Variants in TCF4 observed in about 807,000 individuals in gnomAD.
The protein encoded by TCF4 is transcription factor 4.
A neutral mutation model predicts 82.1 loss-of-function variants in TCF4; 3 were observed. That is an observed-to-expected ratio of 0.04 (90% CI 0.02 to 0.09). TCF4 has a LOEUF of 0.09. Ranked by LOEUF, TCF4 falls within the 10% of genes least tolerant of loss-of-function variation. The pLI, the probability that TCF4 is intolerant of heterozygous loss-of-function variation, is 1.00. For synonymous variants in TCF4, 276 were observed against 309.6 expected, an observed-to-expected ratio of 0.89 and a Z score of 1.14; for missense variants, 518 against 852.7, an observed-to-expected ratio of 0.61 and a Z score of 4.89.
At chr18:55,585,978 C>G (rs2097641030) in intron 2 of TCF4, 1 of 1,323,328 alleles carries the variant, frequency 7.6e-7, no homozygotes, top group African/African-American at 1.5e-5. Flanking sequence ...CACACCTTCC[C>G]TGAGTCAGAG....
intron 3 of TCF4, chr18:55,482,967 T>C (rs2096461906): frequency 6.6e-6 from 1 of 152,238 alleles, no homozygotes; most frequent in African/African-American, 2.4e-5. Flanking sequence ...TCTCCTTCAT[T>C]GGACTTGTCA....
At chr18:55,617,253 T>G (rs2097713043) in intron 2 of TCF4, among the ~76,000 whole-genome samples, 1 of 152,134 alleles carries the variant, frequency 6.6e-6, no homozygotes, top group Non-Finnish European at 1.5e-5. Context: ...TGACTGTATA[T>G]GCATACCTTT....
At chr18:55,234,157 T>G (rs1385152853) in intron 16 of TCF4, among the ~76,000 whole-genome samples, 1 of 152,140 alleles carries the variant, frequency 6.6e-6, no homozygotes, top group Non-Finnish European at 1.5e-5. Flanking sequence ...GCACCTATAT[T>G]TCCTTCCATC....
chr18:55,511,430 A>G (rs962576558), intron 3 of TCF4, among the ~76,000 whole-genome samples: 2 of 151,672 alleles, frequency 1.3e-5, no homozygotes, highest in African/African-American at 4.8e-5. Context: ...CAGTTCCTAT[A>G]CTGGAGTATG....
At chr18:55,528,995 T>C (rs7235482) in intron 3 of TCF4, among the ~76,000 whole-genome samples, 12,095 of 152,106 alleles carry the variant, frequency 0.08, 1,166 homozygotes, top group African/African-American at 0.23. Flanking sequence ...CTGGCCAATA[T>C]GGTGAAACCC....
chr18:55,603,923 C>T (rs141112880), intron 2 of TCF4, among the ~76,000 whole-genome samples: 2 of 152,242 alleles, frequency 1.3e-5, no homozygotes, highest in East Asian at 1.9e-4. Context: ...CTATGGGGCT[C>T]ATCATTCAGA....
At chr18:55,467,677 C>T (rs1603499500) in intron 3 of TCF4, among the ~76,000 whole-genome samples, 1 of 152,136 alleles carries the variant, frequency 6.6e-6, no homozygotes, top group Admixed American at 6.6e-5. Flanking sequence ...TGTCCAGACT[C>T]ATTTTCATGT....
intron 3 of TCF4, among the ~76,000 whole-genome samples, chr18:55,478,978 G>A (rs2096363681): frequency 6.6e-6 from 1 of 151,738 alleles, no homozygotes; most frequent in African/African-American, 2.4e-5. Context: ...ATATGGCAAT[G>A]GGTTTCCAAA....
chr18:55,429,764 CAAA>C (rs35255242), intron 5 of TCF4, among the ~76,000 whole-genome samples: 7 of 57,172 alleles, frequency 1.2e-4, no homozygotes, highest in African/African-American at 5.9e-4. Flanking sequence ...GACTCCATCT[CAAA>C]AAAAAAAAAA....
intron 8 of TCF4, among the ~76,000 whole-genome samples, chr18:55,282,303 A>G (rs748176811): frequency 2.6e-5 from 4 of 151,928 alleles, no homozygotes; most frequent in Non-Finnish European, 5.9e-5. Context: ...CAGAAACATC[A>G]CTCTTATTTT....
At chr18:55,242,310 C>T (rs1568394400) in intron 15 of TCF4, among the ~76,000 whole-genome samples, 1 of 152,342 alleles carries the variant, frequency 6.6e-6, no homozygotes, top group African/African-American at 2.4e-5. Context: ...AAAGCCTATA[C>T]TTGTCTCCAT....
At chr18:55,385,675 A>T (rs867400051) in intron 6 of TCF4, among the ~76,000 whole-genome samples, 2 of 152,222 alleles carry the variant, frequency 1.3e-5, no homozygotes, top group African/African-American at 2.4e-5. Flanking sequence ...TTCTAGGATT[A>T]TAGGCATGAG....
chr18:55,526,308 C>T (rs919422572), intron 3 of TCF4, among the ~76,000 whole-genome samples: 1 of 152,166 alleles, frequency 6.6e-6, no homozygotes, highest in Non-Finnish European at 1.5e-5. Flanking sequence ...CATTAATATC[C>T]AGTGCATAAC....
intron 3 of TCF4, among the ~76,000 whole-genome samples, chr18:55,480,059 A>C (rs2096388105): frequency 6.6e-6 from 1 of 152,064 alleles, no homozygotes; most frequent in Non-Finnish European, 1.5e-5. Flanking sequence ...AATAGACACA[A>C]GATATTCATT....
Position 55,401,174 on chromosome 18 carries a change from T to C in TCF4, c.369+2280A>G, listed in dbSNP as rs996903145. The C allele has an allele frequency of 2.2e-5, 27 of 1,236,698 alleles. No homozygotes were observed. The East Asian group carries it at 1.5e-3, about 71-fold the overall frequency. 76.6% of individuals were successfully genotyped at this position (1,236,698 alleles called of 1,614,324 possible). A position where few individuals can be genotyped will look rare whatever the true frequency, so the allele number is the denominator to read the frequency against. On this transcript the variant is annotated intron_variant, in intron 6 of 19. Coordinates refer to ENST00000354452, the MANE Select transcript of TCF4 (RefSeq NM_001083962.2). ...TCACTGGAAGACACACTATGGTCTG[T>C]TCTATTCTCAAATTTCACAGAAAGC...
At chr18:55,361,934 T>C (rs543765791) in intron 6 of TCF4, among the ~76,000 whole-genome samples, 1 of 152,328 alleles carries the variant, frequency 6.6e-6, no homozygotes, top group South Asian at 2.1e-4. Flanking sequence ...CCCGAGATTA[T>C]CTGAAAAATA....
rs1417456497 is a variant in TCF4 at position 55,350,722 on chromosome 18, TA to T, written c.499+151del. 122 of 986,350 alleles carry T rather than the reference TA, an allele frequency of 1.2e-4. No homozygotes were observed. The East Asian group carries it at 2.0e-3, about 16-fold the overall frequency. 61.1% of individuals were successfully genotyped at this position (986,350 alleles called of 1,614,324 possible). ...CTGTTAACGTACCTACTCAGTGTAC[TA>T]GGGGGGAAGTCTCCAGGCTGACAAC... On this transcript the variant is annotated intron_variant, in intron 7 of 19. Coordinates refer to ENST00000354452, the MANE Select transcript of TCF4 (RefSeq NM_001083962.2).
At chr18:55,322,092 CTTTTTTTTTTTCCTTTTTT>C (rs1231422980) in intron 8 of TCF4, 480 of 945,138 alleles carry the variant, frequency 5.1e-4, no homozygotes, top group Non-Finnish European at 5.9e-4. Flanking sequence ...TTTTTCTTTT[CTTTTTTTTTTTCCTTTTTT>C]TTTTTTTTTT....
intron 2 of TCF4, chr18:55,631,217 T>C: frequency 1.7e-6 from 1 of 593,936 alleles, no homozygotes; most frequent in East Asian, 3.3e-5. Context: ...ACCCAGCTAA[T>C]TTCTGTGTTT....
Sources: allele counts gnomAD v4.1 joint callset (sites outside exome capture counted in the v4.1 genomes callset), GRCh38; gene constraint gnomAD v4.1.1; transcripts MANE v1.5; gene names NCBI Gene and HGNC (gene_info 2026-07-23, HGNC 2026-07-21).